XNDC1N: variants seen among roughly 807,000 people sequenced by gnomAD.
The protein encoded by XNDC1N is XRCC1 N-terminal domain containing 1, N-terminal like.
chr11:71,872,690 T>TG, the XNDC1N span, among the ~76,000 whole-genome samples: 2 of 152,126 alleles, frequency 1.3e-5, no homozygotes, highest in African/African-American at 4.8e-5. Context: ...ATCGCGCCAC[T>TG]GCACTATAGC....
chr11:71,879,328 T>C, the XNDC1N span, among the ~76,000 whole-genome samples: 2 of 152,168 alleles, frequency 1.3e-5, no homozygotes, highest in Admixed American at 1.3e-4. Context: ...ACCACAAAAC[T>C]AGCCAATTAT....
chr11:71,905,176 A>T, the XNDC1N span, among the ~76,000 whole-genome samples: 3 of 151,916 alleles, frequency 2.0e-5, no homozygotes, highest in Non-Finnish European at 4.4e-5. Context: ...ACTCAACGTG[A>T]TATTTGAAGT....
chr11:71,901,809 A>G, the XNDC1N span, among the ~76,000 whole-genome samples: 2 of 152,016 alleles, frequency 1.3e-5, no homozygotes, highest in Non-Finnish European at 2.9e-5. Flanking sequence ...GATGGAAGTG[A>G]GTGATGATTA....
chr11:71,869,051 ATTT>A, the XNDC1N span, among the ~76,000 whole-genome samples: 1 of 151,864 alleles, frequency 6.6e-6, no homozygotes, highest in Non-Finnish European at 1.5e-5. Flanking sequence ...AGCATGGTCT[ATTT>A]TTTTATTATT....
the XNDC1N span, chr11:71,915,999 C>A: frequency 1.5e-6 from 1 of 665,794 alleles, no homozygotes; most frequent in Non-Finnish European, 2.7e-6. Flanking sequence ...ATGTCTCAAA[C>A]AAGCATCAGT....
At chr11:71,886,209 C>T in the XNDC1N span, among the ~76,000 whole-genome samples, 1 of 151,996 alleles carries the variant, frequency 6.6e-6, no homozygotes, top group Admixed American at 6.6e-5. Context: ...CGTCCTATAC[C>T]GAAAAGCCAC....
chr11:71,877,198 T>C, the XNDC1N span, among the ~76,000 whole-genome samples: 5 of 152,306 alleles, frequency 3.3e-5, no homozygotes, highest in East Asian at 3.9e-4. Flanking sequence ...TGAAGTATTA[T>C]AGAAGTAGCA....
chr11:71,903,976 T>A, the XNDC1N span: 9 of 510,508 alleles, frequency 1.8e-5, no homozygotes, highest in South Asian at 1.3e-4. Flanking sequence ...GTACCTCGGT[T>A]CAGATGTGTC....
the XNDC1N span, among the ~76,000 whole-genome samples, chr11:71,906,492 G>A: frequency 6.6e-6 from 1 of 152,074 alleles, no homozygotes; most frequent in African/African-American, 2.4e-5. Flanking sequence ...TAATATCAGA[G>A]AATGTACATG....
the XNDC1N span, chr11:71,927,880 C>A: frequency 0.017 from 2,607 of 152,352 alleles, 25 homozygotes; most frequent in Non-Finnish European, 0.027. Flanking sequence ...TAGATAATTC[C>A]CTGTAATTTT....
the XNDC1N span, among the ~76,000 whole-genome samples, chr11:71,902,026 T>G: frequency 6.6e-6 from 1 of 152,090 alleles, no homozygotes; most frequent in Non-Finnish European, 1.5e-5. Context: ...CTGAGTACTG[T>G]AAGAGGAACA....
At chr11:71,889,123 A>G in the XNDC1N span, among the ~76,000 whole-genome samples, 2 of 152,236 alleles carry the variant, frequency 1.3e-5, no homozygotes, top group African/African-American at 4.8e-5. Context: ...CATTGCTTTC[A>G]TTCGGGCCTT....
At chr11:71,884,107 T>C in the XNDC1N span, among the ~76,000 whole-genome samples, 91 of 152,318 alleles carry the variant, frequency 6.0e-4, no homozygotes, top group African/African-American at 2.1e-3. Context: ...TCCTGCATTA[T>C]GAATCTCTAC....
the XNDC1N span, among the ~76,000 whole-genome samples, chr11:71,895,552 C>T: frequency 6.7e-6 from 1 of 149,326 alleles, no homozygotes; most frequent in African/African-American, 2.5e-5. Context: ...GTCTTGAACT[C>T]CCGACCTCAG....
the XNDC1N span, chr11:71,884,339 C>T: frequency 7.2e-7 from 1 of 1,398,526 alleles, no homozygotes; most frequent in Non-Finnish European, 9.4e-7. Flanking sequence ...TATTATAAAA[C>T]ATTTCAGACA....
chr11:71,877,049 C>T, the XNDC1N span, among the ~76,000 whole-genome samples: 1 of 152,206 alleles, frequency 6.6e-6, no homozygotes, highest in African/African-American at 2.4e-5. Context: ...CCTCACTGGC[C>T]CTCCTTAGGC....
the XNDC1N span, chr11:71,893,357 C>T: frequency 3.7e-5 from 23 of 617,574 alleles, no homozygotes; most frequent in South Asian, 1.1e-4. Flanking sequence ...GTGTATGGTC[C>T]GCAAGTGTCA....
chr11:71,903,354 T>A, the XNDC1N span: 6 of 1,461,562 alleles, frequency 4.1e-6, no homozygotes, highest in Non-Finnish European at 5.7e-6. Flanking sequence ...GACTCCCACC[T>A]CCACACCCCA....
At chr11:71,872,695 T>TA in the XNDC1N span, among the ~76,000 whole-genome samples, 3 of 152,086 alleles carry the variant, frequency 2.0e-5, no homozygotes, top group African/African-American at 7.2e-5. Context: ...GCCACTGCAC[T>TA]ATAGCCTGGG....
Sources: allele counts gnomAD v4.1 joint callset (sites outside exome capture counted in the v4.1 genomes callset), GRCh38; gene constraint gnomAD v4.1.1; transcripts MANE v1.5; gene names NCBI Gene and HGNC (gene_info 2026-07-23, HGNC 2026-07-21).